The following ZNF83 variants were observed in gnomAD, a reference collection of about 807,000 sequenced individuals.
ZNF83 encodes zinc finger protein 83.
For missense variants in ZNF83, 552 were observed against 629.9 expected (o/e 0.88, Z 1.32); for synonymous variants, 209 against 213.0 (o/e 0.98, Z 0.17).
At chr19:52,637,704 G>A (rs1161384160) in intron 1 of ZNF83, among the ~76,000 whole-genome samples, 1 of 152,126 alleles carries the variant, frequency 6.6e-6, no homozygotes, top group East Asian at 1.9e-4. Context: ...CCTGCATCCC[G>A]GAGGAGCTCG....
intron 2 of ZNF83, among the ~76,000 whole-genome samples, chr19:52,628,569 G>A (rs965460348): frequency 6.6e-6 from 1 of 152,212 alleles, no homozygotes; most frequent in Non-Finnish European, 1.5e-5. Context: ...TTGCAGGGAC[G>A]CCTCTCTGAT....
At chr19:52,648,798 C>T (rs1429007617) in intron 3 of ZNF83, among the ~76,000 whole-genome samples, 1 of 152,204 alleles carries the variant, frequency 6.6e-6, no homozygotes, top group African/African-American at 2.4e-5. Flanking sequence ...CTAAAGAAGA[C>T]TGCCTGCTCT....
At chr19:52,639,945 A>G (rs2061275886), upstream of ZNF83, among the ~76,000 whole-genome samples, 1 of 152,150 alleles carries the variant, frequency 6.6e-6, no homozygotes, top group South Asian at 2.1e-4. Flanking sequence ...CAACCCATTG[A>G]GTACATGTTT....
chr19:52,664,324 C>T (rs536650574), intron 1 of ZNF83, among the ~76,000 whole-genome samples: 1 of 151,838 alleles, frequency 6.6e-6, no homozygotes, highest in South Asian at 2.1e-4. Context: ...GGAGAAAGCC[C>T]GTCTCTATGA....
chr19:52,666,858 G>T (rs546974638), intron 1 of ZNF83, among the ~76,000 whole-genome samples: 1 of 152,190 alleles, frequency 6.6e-6, no homozygotes, highest in Non-Finnish European at 1.5e-5. Context: ...GGTGACTGAG[G>T]GAAAAAGACA....
intron 2 of ZNF83, among the ~76,000 whole-genome samples, chr19:52,626,660 T>G (rs2060748356): frequency 6.6e-6 from 1 of 152,100 alleles, no homozygotes; most frequent in South Asian, 2.1e-4. Flanking sequence ...AATGCTACTT[T>G]TAACAACCCC....
intron 1 of ZNF83, among the ~76,000 whole-genome samples, chr19:52,667,254 G>A (rs1447866220): frequency 6.7e-6 from 1 of 148,712 alleles, no homozygotes; most frequent in Non-Finnish European, 1.5e-5. Flanking sequence ...GGAGGAAGGA[G>A]AATTTATGTA....
chr19:52,667,195 C>A, intron 1 of ZNF83, among the ~76,000 whole-genome samples: 1 of 136,006 alleles, frequency 7.4e-6, no homozygotes, highest in Admixed American at 7.8e-5. Context: ...GAAGGAAGTT[C>A]ACTTTGGGAA....
intron 2 of ZNF83, chr19:52,618,551 C>T (rs113565323): frequency 0.38 from 80,158 of 211,834 alleles, 15,566 homozygotes; most frequent in Middle Eastern, 0.46. Flanking sequence ...CGTGAGCCAC[C>T]GCGCCTGGCC....
chr19:52,651,068 A>G (rs1224541233), intron 3 of ZNF83: 1 of 152,246 alleles, frequency 6.6e-6, no homozygotes, highest in Non-Finnish European at 1.5e-5. Context: ...ATGTCTCCCT[A>G]TACTACTCCA....
chr19:52,660,522 G>A (rs2061565954), intron 2 of ZNF83, among the ~76,000 whole-genome samples: 1 of 152,070 alleles, frequency 6.6e-6, no homozygotes. Context: ...GGATGCTGAG[G>A]CATGAGAATC....
rs368584105 is a variant in ZNF83 at position 52,689,650 on chromosome 19, T to C, written c.-283+793A>G. Among the ~76,000 whole-genome samples the C allele has an allele frequency of 2.3e-3, 345 of 152,316 alleles. 1 individual carries two copies. Among genetic ancestry groups the C allele is most frequent in the African/African-American group, 7.9e-3 (327 of 41,572 alleles). On this transcript the variant is annotated intron_variant, in intron 1 of 5. Coordinates refer to the ZNF83 transcript ENST00000594682. ...TGCTTTCTTATCGTTTTCTTTTCAC[T>C]TTTGCTGTCTCTTGGCAAATCCCTC... is the stretch of plus-strand genomic sequence containing the variant.
chr19:52,615,120 T>C (rs1453106827), intron 2 of ZNF83, among the ~76,000 whole-genome samples: 1 of 152,074 alleles, frequency 6.6e-6, no homozygotes, highest in African/African-American at 2.4e-5. Context: ...CATACTGCAA[T>C]AGAAGGAAAA....
intron 3 of ZNF83, among the ~76,000 whole-genome samples, chr19:52,644,598 A>T (rs2061349434): frequency 6.6e-6 from 1 of 152,216 alleles, no homozygotes; most frequent in Admixed American, 6.5e-5. Flanking sequence ...TTAATTCTTC[A>T]TTACAAGAAA....
At chr19:52,671,776 C>G (rs539458198) in intron 1 of ZNF83, among the ~76,000 whole-genome samples, 1 of 152,280 alleles carries the variant, frequency 6.6e-6, no homozygotes, top group African/African-American at 2.4e-5. Flanking sequence ...CTTTGTTATT[C>G]TCTCCTGAGT....
chr19:52,658,764 C>A (rs994829331), intron 2 of ZNF83, among the ~76,000 whole-genome samples: 1 of 152,120 alleles, frequency 6.6e-6, no homozygotes, highest in African/African-American at 2.4e-5. Flanking sequence ...GTTTACCCTA[C>A]CTCCATTAAC....
exon 3 of ZNF83, chr19:52,614,402 G>C (rs1189221087): frequency 6.2e-7 from 1 of 1,613,342 alleles, no homozygotes; most frequent in African/African-American, 1.3e-5. Flanking sequence ...CGTTGGGGTG[G>C]GGAAACTAAG....
chr19:52,663,629 T>C (rs1600244934), intron 1 of ZNF83, among the ~76,000 whole-genome samples: 1 of 152,338 alleles, frequency 6.6e-6, no homozygotes, highest in Non-Finnish European at 1.5e-5. Flanking sequence ...TGAGTACACA[T>C]TGAAACAACC....
At chr19:52,620,167 C>T (rs1174238185) in intron 2 of ZNF83, among the ~76,000 whole-genome samples, 4 of 152,002 alleles carry the variant, frequency 2.6e-5, no homozygotes, top group African/African-American at 9.7e-5. Flanking sequence ...AAAGGGTTGT[C>T]ATTTTCCCCA....
Sources: allele counts gnomAD v4.1 joint callset (sites outside exome capture counted in the v4.1 genomes callset), GRCh38; gene constraint gnomAD v4.1.1; transcripts MANE v1.5; gene names NCBI Gene and HGNC (gene_info 2026-07-23, HGNC 2026-07-21).